The following TMEM185B variants were observed in gnomAD, a reference collection of about 807,000 sequenced individuals.
TMEM185B encodes the protein ee3_2.
TMEM185B carries 9 observed loss-of-function variants against 26.2 expected under a neutral mutation model. The observed-to-expected ratio is 0.34, with a 90% CI of 0.21 to 0.60. The LOEUF (loss-of-function observed/expected upper bound fraction) is 0.60, where lower values mean the gene tolerates loss of function less well. Ranked by LOEUF, TMEM185B falls within the 20% of genes least tolerant of loss-of-function variation. The pLI is 0.80. For synonymous variants in TMEM185B, 204 were observed against 191.8 expected (o/e 1.06, Z -0.52); for missense variants, 392 against 447.9 (o/e 0.88, Z 1.13).
chr2:120,217,712 C>T lies in TMEM185B; in HGVS notation c.*4212G>A, dbSNP rs896584816. Among the ~76,000 whole-genome samples, 1 of 152,174 alleles carries T rather than the reference C, an allele frequency of 6.6e-6. No individual in the cohort carries two copies. Among genetic ancestry groups the T allele is most frequent in the African/African-American group, 2.4e-5 (1 of 41,430 alleles). On this transcript the variant is annotated 3_prime_UTR_variant, in exon 1 of 1. Transcript: ENST00000426077. ...ATGGTATCCTGACTGAAGAAAACCA[C>T]GTGGGGTTGGGAAAGGAAGGACCTT...
In TMEM185B at chr2:120,222,806, G is replaced by A. The variant is rs1290877739; in HGVS notation, c.171C>T (p.Gly57=). The part of the protein sequence containing the change: ...IWLWKLLVVA[G]ASVGAGVWAR... ...CCCAAACGCCCGCGCCCACGGAGGC[G>A]CCTGCGACGACTAGAAGCTTCCACA... The change falls in exon 1 of 1, where the codon GGC becomes GGT. Residue 57 remains glycine, a synonymous_variant. Transcript: ENST00000426077. 7.9e-6 allele frequency: 12 copies of A among 1,528,556 alleles called. No individual in the cohort carries two copies. The East Asian group carries it at 1.5e-4, about 19-fold the overall frequency. The allele number at this position is 1,528,556 out of a possible 1,614,324, so 94.7% of individuals were successfully genotyped here.
At position 120,217,490 on chromosome 2, in the gene TMEM185B, A is replaced by C. The variant is rs1403098019; in HGVS notation, c.*4434T>G. Among the ~76,000 whole-genome samples, 1 of 152,256 alleles carries C rather than the reference A, an allele frequency of 6.6e-6. No homozygotes were observed. The highest frequency in any genetic ancestry group is 2.4e-5 in the African/African-American group (1 of 41,456). On this transcript the variant is annotated 3_prime_UTR_variant, in exon 1 of 1. Transcript: ENST00000426077. ...GAAGTTAAAGCCAATAACTCTGAAA[A>C]ACATTTATTCATCCATTTGAAGACT...
chr2:120,222,682 C>T lies in TMEM185B; in HGVS notation c.295G>A (p.Val99Ile). 3.3e-6 allele frequency: 5 copies of T among 1,536,574 alleles called. No homozygotes were observed. The highest frequency in any genetic ancestry group is 3.5e-6 in the Non-Finnish European group (4 of 1,147,014). Residue 99 changes from valine (V) to isoleucine (I), a missense_variant, in exon 1 of 1, where the codon GTC (valine) becomes ATC (isoleucine). Val to Ile is a conservative substitution (Grantham distance 29). Coordinates refer to ENST00000426077, the MANE Select transcript of TMEM185B (RefSeq NM_024121.3). ...GIHLLLLMFEVLVCDRVERGT... is the reference protein window; with the variant it reads ...GIHLLLLMFEILVCDRVERGT... ...CTCTCCACCCTGTCGCAGACCAGGA[C>T]TTCGAACATGAGCAGCAGCAGGTGG...
chr2:120,222,406 C>A lies in TMEM185B; in HGVS notation c.571G>T (p.Val191Phe). ...FLCLVVLYYIVWSLLFLRSLD... is the reference protein window; with the variant it reads ...FLCLVVLYYIFWSLLFLRSLD... The stretch of plus-strand genomic sequence containing the variant: ...GACCGCAGGAACAGGAGGGACCAGA[C>A]GATGTAATAGAGGACGACCAGGCAA... Residue 191 changes from valine (V) to phenylalanine (F), a missense_variant, in exon 1 of 1, where the codon GTC (valine) becomes TTC (phenylalanine). Val to Phe is a conservative substitution (Grantham distance 50). Coordinates refer to ENST00000426077, the MANE Select transcript of TMEM185B (RefSeq NM_024121.3). 3.3e-6 allele frequency: 5 copies of A among 1,536,188 alleles called. No homozygotes were observed. Among genetic ancestry groups the A allele is most frequent in the Non-Finnish European group, 4.4e-6 (5 of 1,146,932 alleles).
chr2:120,221,962 G>T lies in TMEM185B; in HGVS notation c.1015C>A (p.Pro339Thr). The change falls in exon 1 of 1, where the codon CCC becomes ACC. Residue 339 changes from proline to threonine, a missense_variant. Coordinates refer to ENST00000426077, the MANE Select transcript of TMEM185B (RefSeq NM_024121.3). ...VITQSPGKYV[P>T]PPPKLNIDMP... ...TCAATATTTAACTTGGGAGGGGGGG[G>T]AACGTATTTCCCAGGGCTCTGGGTT... 1 of 1,534,784 alleles carries T rather than the reference G, an allele frequency of 6.5e-7. No homozygotes were observed. Among genetic ancestry groups the T allele is most frequent in the Non-Finnish European group, 8.7e-7 (1 of 1,146,388 alleles).
rs1265408837 is a variant in TMEM185B at position 120,223,236 on chromosome 2, G to T, written c.-260C>A. The T allele has an allele frequency of 2.1e-5, 6 of 291,074 alleles. No individual in the cohort carries two copies. Among genetic ancestry groups the T allele is most frequent in the Non-Finnish European group, 3.8e-5 (6 of 157,448 alleles). The allele number at this position is 291,074 out of a possible 1,614,324, so 18.0% of individuals were successfully genotyped here. Reference sequence around the variant, plus strand: ...CGGGCGGCGCGGCGGTTACAAACTGGGCGCTGCCTCGGTCCCGCCGCCGCC... The same window carrying T: ...CGGGCGGCGCGGCGGTTACAAACTGTGCGCTGCCTCGGTCCCGCCGCCGCC... On this transcript the variant is annotated 5_prime_UTR_variant, in exon 1 of 1. Coordinates refer to ENST00000426077, the MANE Select transcript of TMEM185B (RefSeq NM_024121.3).
Position 120,221,532 on chromosome 2 carries a change from C to T in TMEM185B, c.*392G>A, listed in dbSNP as rs1688585869. Reference sequence around the variant, plus strand: ...TGGGAAAGAGAACTTTTTACATTTGCTATTGTTATGACAGGCACAATCTGA... The same window carrying T: ...TGGGAAAGAGAACTTTTTACATTTGTTATTGTTATGACAGGCACAATCTGA... On this transcript the variant is annotated 3_prime_UTR_variant, in exon 1 of 1. Transcript: ENST00000426077. 1 of 165,566 alleles carries T rather than the reference C, an allele frequency of 6.0e-6. No homozygotes were observed. Among genetic ancestry groups the T allele is most frequent in the East Asian group, 1.8e-4 (1 of 5,656 alleles). The allele number at this position is 165,566 out of a possible 1,614,324, so 10.3% of individuals were successfully genotyped here.
rs926396683 is a variant in TMEM185B at position 120,219,390 on chromosome 2, G to C, written c.*2534C>G. On this transcript the variant is annotated 3_prime_UTR_variant, in exon 1 of 1. Transcript: ENST00000426077. ...TTTTTACCTAATGGTCCTGACAGCG[G>C]ATGGCCTACCTGGTGAGAAAGCTTG... 6.6e-6 allele frequency among the ~76,000 whole-genome samples: 1 copy of C among 152,162 alleles called. No individual in the cohort carries two copies. Among genetic ancestry groups the C allele is most frequent in the Non-Finnish European group, 1.5e-5 (1 of 68,032 alleles).
rs757501834 is a variant in TMEM185B at position 120,219,719 on chromosome 2, G to A, written c.*2205C>T. On this transcript the variant is annotated 3_prime_UTR_variant, in exon 1 of 1. Coordinates refer to ENST00000426077, the MANE Select transcript of TMEM185B (RefSeq NM_024121.3). ...ACTGGGCTCCTGAAAACAAAGATGAGCTTAAAGTTCTAGGTCACCCTGAGG... is the reference window on the plus strand; with the variant it reads ...ACTGGGCTCCTGAAAACAAAGATGAACTTAAAGTTCTAGGTCACCCTGAGG... 1.3e-5 allele frequency among the ~76,000 whole-genome samples: 2 copies of A among 152,186 alleles called. No individual in the cohort carries two copies. Among genetic ancestry groups the A allele is most frequent in the Admixed American group, 6.5e-5 (1 of 15,278 alleles).
chr2:120,223,059 C>G lies in TMEM185B; in HGVS notation c.-83G>C. 1 of 1,086,140 alleles carries G rather than the reference C, an allele frequency of 9.2e-7. No individual in the cohort carries two copies. Among genetic ancestry groups the G allele is most frequent in the East Asian group, 3.2e-5 (1 of 31,638 alleles). The allele number at this position is 1,086,140 out of a possible 1,614,324, so 67.3% of individuals were successfully genotyped here. On this transcript the variant is annotated 5_prime_UTR_variant, in exon 1 of 1. Transcript: ENST00000426077. Reference sequence around the variant, plus strand: ...GTCTCCGCGGCTTCTCCGGCCGCCGCCTCCCGGGCCCCGCCCAAGCCGGCT... The same window carrying G: ...GTCTCCGCGGCTTCTCCGGCCGCCGGCTCCCGGGCCCCGCCCAAGCCGGCT...
rs1688593062 is a variant in TMEM185B at position 120,221,895 on chromosome 2, C to G, written c.*29G>C. The G allele has an allele frequency of 2.0e-6, 3 of 1,468,398 alleles. No individual in the cohort carries two copies. The highest frequency in any genetic ancestry group is 1.4e-5 in the South Asian group (1 of 73,946). The allele number at this position is 1,468,398 out of a possible 1,614,324, so 91.0% of individuals were successfully genotyped here. Reference sequence around the variant, plus strand: ...ACAAGAGGCGAAGGCCAAGTGGAGTCTGTGTGTGCCTGGGTCCTCTCTAGG... The same window carrying G: ...ACAAGAGGCGAAGGCCAAGTGGAGTGTGTGTGTGCCTGGGTCCTCTCTAGG... On this transcript the variant is annotated 3_prime_UTR_variant, in exon 1 of 1. Coordinates refer to ENST00000426077, the MANE Select transcript of TMEM185B (RefSeq NM_024121.3).
In TMEM185B at chr2:120,221,435, A is replaced by C. The variant is rs968737577; in HGVS notation, c.*489T>G. ...CAGAATATTAAAGACCAGTATCAGC[A>C]AAGCCCAAGGAGAGAGTATTTTAAC... On this transcript the variant is annotated 3_prime_UTR_variant, in exon 1 of 1. Coordinates refer to ENST00000426077, the MANE Select transcript of TMEM185B (RefSeq NM_024121.3). 6.5e-6 allele frequency: 1 copy of C among 154,076 alleles called. No homozygotes were observed. The highest frequency in any genetic ancestry group is 2.4e-5 in the African/African-American group (1 of 41,592). 9.5% of individuals were successfully genotyped at this position (154,076 alleles called of 1,614,324 possible).
Position 120,220,746 on chromosome 2 carries a change from A to G in TMEM185B, c.*1178T>C, listed in dbSNP as rs912732492. Among the ~76,000 whole-genome samples, 1 of 152,222 alleles carries G rather than the reference A, an allele frequency of 6.6e-6. No individual in the cohort carries two copies. The highest frequency in any genetic ancestry group is 2.4e-5 in the African/African-American group (1 of 41,460). On this transcript the variant is annotated 3_prime_UTR_variant, in exon 1 of 1. Transcript: ENST00000426077. Reference sequence around the variant, plus strand: ...GTGAAACTCTGTCTCAAAACAAAACAAAACAAACAAACAAAAAAACAAAAG... The same window carrying G: ...GTGAAACTCTGTCTCAAAACAAAACGAAACAAACAAACAAAAAAACAAAAG...
Position 120,222,695 on chromosome 2 carries a change from C to T in TMEM185B, c.282G>A (p.Leu94=). Residue 94 remains leucine (L), a synonymous_variant, in exon 1 of 1, where the codon CTG becomes CTA. Coordinates refer to ENST00000426077, the MANE Select transcript of TMEM185B (RefSeq NM_024121.3). ...MLIAVGIHLL[L]LMFEVLVCDR... is the part of the protein sequence containing the mutation. ...CGCAGACCAGGACTTCGAACATGAG[C>T]AGCAGCAGGTGGATGCCCACAGCGA... 6.5e-7 allele frequency: 1 copy of T among 1,536,552 alleles called. No homozygotes were observed. Among genetic ancestry groups the T allele is most frequent in the East Asian group, 2.4e-5 (1 of 40,924 alleles).
In TMEM185B at chr2:120,222,563, C is replaced by T; in HGVS notation, c.414G>A (p.Arg138=). 1 of 1,536,454 alleles carries T rather than the reference C, an allele frequency of 6.5e-7. No individual in the cohort carries two copies. ...AGCACAGGATCTCCAGCTCCAGCGACCTATCGTGTCGAAAGCCCCAGACGC... is the reference window on the plus strand; with the variant it reads ...AGCACAGGATCTCCAGCTCCAGCGATCTATCGTGTCGAAAGCCCCAGACGC... ...AACVWGFRHD[R]SLELEILCSV... The change falls in exon 1 of 1, where the codon AGG becomes AGA. Residue 138 remains arginine (R), a synonymous_variant. Transcript: ENST00000426077.
Position 120,220,637 on chromosome 2 carries a change from G to A in TMEM185B, c.*1287C>T, listed in dbSNP as rs1299430908. Among the ~76,000 whole-genome samples, 8 of 152,230 alleles carry A rather than the reference G, an allele frequency of 5.3e-5. No individual in the cohort carries two copies. The highest frequency in any genetic ancestry group is 4.4e-5 in the Non-Finnish European group (3 of 68,042). On this transcript the variant is annotated 3_prime_UTR_variant, in exon 1 of 1. Coordinates refer to ENST00000426077, the MANE Select transcript of TMEM185B (RefSeq NM_024121.3). Reference sequence around the variant, plus strand: ...CCCAGCTACTCGCGAGGCTGAGGCAGAAGAATCGCTTGAACCGGGAGGCGG... The same window carrying A: ...CCCAGCTACTCGCGAGGCTGAGGCAAAAGAATCGCTTGAACCGGGAGGCGG...
Position 120,221,514 on chromosome 2 carries a change from G to A in TMEM185B, c.*410C>T, listed in dbSNP as rs190916813. On this transcript the variant is annotated 3_prime_UTR_variant, in exon 1 of 1. Transcript: ENST00000426077. ...AGGTTTATAAACAAGTGGTGGGAAA[G>A]AGAACTTTTTACATTTGCTATTGTT... The A allele has an allele frequency of 6.1e-6, 1 of 163,110 alleles. No individual in the cohort carries two copies. The highest frequency in any genetic ancestry group is 6.2e-5 in the Admixed American group (1 of 16,242). 10.1% of individuals were successfully genotyped at this position (163,110 alleles called of 1,614,324 possible). A position where few individuals can be genotyped will look rare whatever the true frequency, so the allele number is the denominator to read the frequency against.
In TMEM185B at chr2:120,221,293, A is replaced by G. The variant is rs1003508784; in HGVS notation, c.*631T>C. The stretch of plus-strand genomic sequence containing the variant: ...TATCTTCACACCTAAGCTTTAAAAA[A>G]TACTTTAACGTAATAATGGTAATGC... On this transcript the variant is annotated 3_prime_UTR_variant, in exon 1 of 1. Coordinates refer to ENST00000426077, the MANE Select transcript of TMEM185B (RefSeq NM_024121.3). The G allele has an allele frequency of 6.6e-6, 1 of 152,294 alleles. No individual in the cohort carries two copies. The highest frequency in any genetic ancestry group is 1.5e-5 in the Non-Finnish European group (1 of 68,072). The allele number at this position is 152,294 out of a possible 1,614,324, so 9.4% of individuals were successfully genotyped here. A position where few individuals can be genotyped will look rare whatever the true frequency, so the allele number is the denominator to read the frequency against.
chr2:120,222,809 T>A lies in TMEM185B; in HGVS notation c.168A>T (p.Ala56=). The A allele has an allele frequency of 6.5e-7, 1 of 1,528,052 alleles. No homozygotes were observed. 94.7% of individuals were successfully genotyped at this position (1,528,052 alleles called of 1,614,324 possible). ...AAACGCCCGCGCCCACGGAGGCGCC[T>A]GCGACGACTAGAAGCTTCCACAGCC... is the stretch of plus-strand genomic sequence containing the variant. ...PIWLWKLLVV[A]GASVGAGVWA... is the part of the protein sequence containing the mutation. The change falls in exon 1 of 1, where the codon GCA becomes GCT. Residue 56 remains alanine, a synonymous_variant. Coordinates refer to ENST00000426077, the MANE Select transcript of TMEM185B (RefSeq NM_024121.3).
Sources: allele counts gnomAD v4.1 joint callset (sites outside exome capture counted in the v4.1 genomes callset), GRCh38; gene constraint gnomAD v4.1.1; transcripts MANE v1.5; gene names NCBI Gene and HGNC (gene_info 2026-07-23, HGNC 2026-07-21).